The following MARCHF1 variants were observed in gnomAD, a reference collection of about 807,000 sequenced individuals.
MARCHF1 encodes E3 ubiquitin-protein ligase MARCHF1.
Under a neutral mutation model 54.2 loss-of-function variants are expected in MARCHF1, and 40 were observed. The ratio of observed to expected loss-of-function variants is 0.74; its 90% CI spans 0.57 to 0.96. The LOEUF is 0.96. MARCHF1 is among the 40% of genes least tolerant of loss of function. The pLI is 0.00. For missense variants in MARCHF1, 586 were observed against 656.5 expected (o/e 0.89, Z 1.17); for synonymous variants, 236 against 236.3 (o/e 1.00, Z 0.01).
At chr4:164,016,949 A>G (rs1003754794) in intron 2 of MARCHF1, among the ~76,000 whole-genome samples, 8 of 152,120 alleles carry the variant, frequency 5.3e-5, no homozygotes, top group African/African-American at 1.7e-4. Context: ...TGTATCCATT[A>G]TAATTAAAAA....
intron 1 of MARCHF1, among the ~76,000 whole-genome samples, chr4:164,178,488 T>C (rs981907978): frequency 1.3e-5 from 2 of 152,088 alleles, no homozygotes; most frequent in Non-Finnish European, 2.9e-5. Flanking sequence ...GCAAGATGGA[T>C]ATAATGTATG....
chr4:164,141,313 G>T (rs754412451), intron 1 of MARCHF1, among the ~76,000 whole-genome samples: 9 of 152,140 alleles, frequency 5.9e-5, no homozygotes, highest in Non-Finnish European at 1.3e-4. Flanking sequence ...TCTTTTTAAT[G>T]TGATCAACCA....
At chr4:163,991,457 G>C (rs6536770) in intron 2 of MARCHF1, among the ~76,000 whole-genome samples, 1 of 152,130 alleles carries the variant, frequency 6.6e-6, no homozygotes, top group African/African-American at 2.4e-5. Flanking sequence ...CTGCCAACTA[G>C]AAACAATCAG....
chr4:163,652,513 G>A (rs913151431), intron 5 of MARCHF1, among the ~76,000 whole-genome samples: 4 of 151,748 alleles, frequency 2.6e-5, no homozygotes, highest in Non-Finnish European at 5.9e-5. Context: ...TCTCGGCAGA[G>A]TAGCTTCCTT....
intron 2 of MARCHF1, among the ~76,000 whole-genome samples, chr4:164,091,642 A>G (rs1755304429): frequency 6.6e-6 from 1 of 151,972 alleles, no homozygotes; most frequent in Non-Finnish European, 1.5e-5. Flanking sequence ...AAAAATAAAT[A>G]AAAGATCACC....
intron 4 of MARCHF1, among the ~76,000 whole-genome samples, chr4:163,840,435 T>C (rs1749304743): frequency 6.6e-6 from 1 of 152,122 alleles, no homozygotes; most frequent in Non-Finnish European, 1.5e-5. Flanking sequence ...TGCAAATTTG[T>C]TTCATGGGTA....
intron 1 of MARCHF1, chr4:164,190,358 A>G (rs1731092418): frequency 1.7e-6 from 1 of 595,498 alleles, no homozygotes; most frequent in Non-Finnish European, 3.0e-6. Flanking sequence ...CTACTGCTGT[A>G]ATATTGTAAA....
intron 4 of MARCHF1, among the ~76,000 whole-genome samples, chr4:163,776,765 A>G (rs1747316545): frequency 6.6e-6 from 1 of 152,204 alleles, no homozygotes; most frequent in South Asian, 2.1e-4. Context: ...GCAAGACAAT[A>G]TATGAAAGTA....
In MARCHF1 at chr4:164,254,840, G is replaced by C. The variant is rs145008593; in HGVS notation, c.-323+129030C>G. ...TGCCCACCAGATTAAGGGTGGATTT[G>C]CCTTCCCCAGCCCACTGACTCAAAT... On this transcript the variant is annotated intron_variant, in intron 1 of 9. Coordinates refer to ENST00000514618, the MANE Select transcript of MARCHF1 (RefSeq NM_001394959.1). 1.2e-3 allele frequency among the ~76,000 whole-genome samples: 190 copies of C among 152,274 alleles called. 1 individual carries two copies. The highest frequency in any genetic ancestry group is 4.4e-3 in the African/African-American group (181 of 41,568).
At chr4:164,108,163 C>T (rs1755749198) in intron 2 of MARCHF1, among the ~76,000 whole-genome samples, 1 of 152,070 alleles carries the variant, frequency 6.6e-6, no homozygotes, top group Non-Finnish European at 1.5e-5. Context: ...GAATCAAGAC[C>T]TTTCGTGGCT....
intron 3 of MARCHF1, among the ~76,000 whole-genome samples, chr4:163,908,531 A>G (rs1406254622): frequency 1.3e-5 from 2 of 152,172 alleles, no homozygotes; most frequent in East Asian, 3.8e-4. Context: ...GTTGTGGTCT[A>G]TGTAGATATA....
chr4:163,900,061 C>A (rs1446381542), intron 3 of MARCHF1, among the ~76,000 whole-genome samples: 1 of 152,046 alleles, frequency 6.6e-6, no homozygotes, highest in African/African-American at 2.4e-5. Flanking sequence ...GGAACTCTTG[C>A]TTCCCCTTTT....
intron 3 of MARCHF1, among the ~76,000 whole-genome samples, chr4:163,908,968 A>G (rs186182655): frequency 6.6e-6 from 1 of 152,310 alleles, no homozygotes; most frequent in African/African-American, 2.4e-5. Flanking sequence ...TTTCAGTAAT[A>G]AAATCAAGAG....
chr4:163,672,216 G>T (rs1277161371), intron 5 of MARCHF1, among the ~76,000 whole-genome samples: 2 of 152,066 alleles, frequency 1.3e-5, no homozygotes, highest in African/African-American at 2.4e-5. Context: ...AGTTAATTGA[G>T]GTAAGATGTG....
intron 3 of MARCHF1, among the ~76,000 whole-genome samples, chr4:163,954,528 A>G (rs992058689): frequency 8.5e-5 from 13 of 152,184 alleles, no homozygotes; most frequent in African/African-American, 2.9e-4. Context: ...ATTGTATGCA[A>G]TGTTCTTTCC....
At chr4:164,331,818 ATCTTTG>A (rs1257778720) in intron 1 of MARCHF1, among the ~76,000 whole-genome samples, 4 of 152,324 alleles carry the variant, frequency 2.6e-5, no homozygotes, top group African/African-American at 7.2e-5. Context: ...AGTCTAGCTT[ATCTTTG>A]TCTTTGTGTA....
intron 2 of MARCHF1, among the ~76,000 whole-genome samples, chr4:164,063,397 C>A (rs1218415139): frequency 6.6e-6 from 1 of 152,234 alleles, no homozygotes; most frequent in South Asian, 2.1e-4. Context: ...TAGCTTGCTG[C>A]AGCTTCTCCA....
At chr4:164,000,664 T>C (rs4056324) in intron 2 of MARCHF1, among the ~76,000 whole-genome samples, 148,986 of 151,752 alleles carry the variant, frequency 0.98, 73,196 homozygotes, top group East Asian at 1. Context: ...AGAAGGAACA[T>C]TTGAGCAGAG....
intron 5 of MARCHF1, among the ~76,000 whole-genome samples, chr4:163,675,291 A>G (rs1743875473): frequency 6.6e-6 from 1 of 152,228 alleles, no homozygotes; most frequent in Non-Finnish European, 1.5e-5. Flanking sequence ...GAAGGCATAA[A>G]AATATTCTTA....
Sources: allele counts gnomAD v4.1 joint callset (sites outside exome capture counted in the v4.1 genomes callset), GRCh38; gene constraint gnomAD v4.1.1; transcripts MANE v1.5; gene names NCBI Gene and HGNC (gene_info 2026-07-23, HGNC 2026-07-21).